Variants in ZFAT observed in about 807,000 individuals in gnomAD.
The protein encoded by ZFAT is zinc finger and AT-hook domain containing, also known as zinc finger protein ZFAT.
Under a neutral mutation model 117.7 loss-of-function variants are expected in ZFAT, and 64 were observed. The observed-to-expected ratio is 0.54, with a 90% CI of 0.44 to 0.67. The LOEUF (loss-of-function observed/expected upper bound fraction) is 0.67, where lower values mean the gene tolerates loss of function less well. Among genes scored for constraint, ZFAT ranks in the 30% least tolerant of loss-of-function variants. The pLI, the probability that ZFAT is intolerant of heterozygous loss-of-function variation, is 0.00. For missense variants in ZFAT, 1,433 were observed against 1,584.5 expected (o/e 0.90, Z 1.62); for synonymous variants, 679 against 615.0 (o/e 1.10, Z -1.54).
At chr8:134,668,784 T>G (rs754872872) in intron 1 of ZFAT, among the ~76,000 whole-genome samples, 19 of 152,190 alleles carry the variant, frequency 1.2e-4, no homozygotes, top group Non-Finnish European at 2.5e-4. Context: ...AGAAGGAGGC[T>G]TCAGACGATT....
intron 2 of ZFAT, among the ~76,000 whole-genome samples, chr8:134,654,464 G>A (rs145915398): frequency 2.0e-5 from 3 of 152,140 alleles, no homozygotes; most frequent in Admixed American, 6.5e-5. Flanking sequence ...GCAACACCAC[G>A]GAGGGAAAAA....
the ZFAT span, among the ~76,000 whole-genome samples, chr8:134,740,616 C>T: frequency 6.6e-6 from 1 of 152,082 alleles, no homozygotes; most frequent in Admixed American, 6.5e-5. Flanking sequence ...AAGTCTTTTC[C>T]AGGATAGGTC....
chr8:134,668,534 C>G (rs1194081719), intron 1 of ZFAT, among the ~76,000 whole-genome samples: 1 of 152,258 alleles, frequency 6.6e-6, no homozygotes, highest in Admixed American at 6.5e-5. Context: ...AGACCTGCAG[C>G]TGAGGGTCCT....
chr8:134,690,027 C>G lies in ZFAT; in HGVS notation c.19+22818G>C, dbSNP rs372822538. 2.0e-5 allele frequency among the ~76,000 whole-genome samples: 3 copies of G among 152,184 alleles called. No individual in the cohort carries two copies. The South Asian group carries it at 6.2e-4, about 32-fold the overall frequency. ...TCACTTACAATCTATTTTCAAAGAT[C>G]AATGAGAAATTTTAAATTTTGTGTA... On this transcript the variant is annotated intron_variant, in intron 1 of 15. Coordinates refer to ENST00000377838, the MANE Select transcript of ZFAT (RefSeq NM_020863.4).
chr8:134,716,180 C>CATATATAT (rs1219904981), upstream of ZFAT, among the ~76,000 whole-genome samples: 3 of 137,376 alleles, frequency 2.2e-5, no homozygotes, highest in African/African-American at 7.7e-5. Flanking sequence ...CACACACACA[C>CATATATAT]ACATATATAT....
chr8:134,779,399 C>T, the ZFAT span, among the ~76,000 whole-genome samples: 150 of 151,774 alleles, frequency 9.9e-4, 3 homozygotes, highest in Middle Eastern at 0.014. Context: ...GACAGACACG[C>T]TGAAGATGCA....
chr8:134,640,179 G>A (rs2131121599), intron 2 of ZFAT, among the ~76,000 whole-genome samples: 1 of 152,292 alleles, frequency 6.6e-6, no homozygotes, highest in East Asian at 1.9e-4. Flanking sequence ...ATAATCATGA[G>A]GACAGGGCTT....
intron 10 of ZFAT, among the ~76,000 whole-genome samples, chr8:134,574,917 T>C (rs879517373): frequency 3.9e-5 from 6 of 152,210 alleles, no homozygotes; most frequent in East Asian, 1.9e-4. Flanking sequence ...AACTGACTTT[T>C]ACCCTTTCCA....
upstream of ZFAT, among the ~76,000 whole-genome samples, chr8:134,714,627 G>A (rs527850187): frequency 1.4e-4 from 21 of 152,296 alleles, no homozygotes; most frequent in East Asian, 3.9e-3. Flanking sequence ...TATGCTCACA[G>A]ATATAGCCTC....
chr8:134,704,633 C>T (rs558146503), intron 1 of ZFAT, among the ~76,000 whole-genome samples: 1 of 152,240 alleles, frequency 6.6e-6, no homozygotes. Context: ...CTGTAGTAAT[C>T]AAGGCAGTGT....
the ZFAT span, among the ~76,000 whole-genome samples, chr8:134,812,226 C>T: frequency 1.3e-5 from 2 of 152,106 alleles, no homozygotes; most frequent in Non-Finnish European, 2.9e-5. Flanking sequence ...ATGTAATGAT[C>T]ATCAAATGCT....
intron 1 of ZFAT, among the ~76,000 whole-genome samples, chr8:134,694,235 G>T (rs1833722665): frequency 6.6e-6 from 1 of 152,152 alleles, no homozygotes; most frequent in Non-Finnish European, 1.5e-5. Flanking sequence ...GGTGTCGCTG[G>T]GACAATCAGT....
At chr8:134,530,244 AC>A (rs1163164962) in intron 12 of ZFAT, among the ~76,000 whole-genome samples, 3 of 152,230 alleles carry the variant, frequency 2.0e-5, no homozygotes, top group African/African-American at 7.2e-5. Flanking sequence ...CTATATCAAA[AC>A]ATGAAATTAT....
intron 1 of ZFAT, among the ~76,000 whole-genome samples, chr8:134,692,147 C>A (rs1464387910): frequency 6.6e-6 from 1 of 152,170 alleles, no homozygotes; most frequent in Non-Finnish European, 1.5e-5. Flanking sequence ...TGAACTAAGT[C>A]ATTCTTAACG....
chr8:134,516,675 T>C (rs1455507098), intron 13 of ZFAT, among the ~76,000 whole-genome samples: 2 of 151,964 alleles, frequency 1.3e-5, no homozygotes, highest in Admixed American at 1.3e-4. Context: ...TCTCTATTTT[T>C]AAAAAATTTC....
At chr8:134,607,964 A>G (rs1475410066) in intron 5 of ZFAT, among the ~76,000 whole-genome samples, 1 of 152,242 alleles carries the variant, frequency 6.6e-6, no homozygotes, top group East Asian at 1.9e-4. Flanking sequence ...TTTCAACTCT[A>G]GCAATGGATT....
chr8:134,684,437 A>G lies in ZFAT; in HGVS notation c.20-26700T>C, dbSNP rs914069487. Reference sequence around the variant, plus strand: ...GAGGAAGACTTACTGATCCCCAGACAGCTTGGGCCTCAGACACGTCAACTT... The same window carrying G: ...GAGGAAGACTTACTGATCCCCAGACGGCTTGGGCCTCAGACACGTCAACTT... On this transcript the variant is annotated intron_variant, in intron 1 of 15. Coordinates refer to ENST00000377838, the MANE Select transcript of ZFAT (RefSeq NM_020863.4). 3.9e-5 allele frequency among the ~76,000 whole-genome samples: 6 copies of G among 152,364 alleles called. No individual in the cohort carries two copies. The South Asian group carries it at 6.2e-4, about 16-fold the overall frequency.
intron 1 of ZFAT, among the ~76,000 whole-genome samples, chr8:134,693,157 A>G (rs1264706384): frequency 1.3e-5 from 2 of 152,180 alleles, no homozygotes; most frequent in Non-Finnish European, 2.9e-5. Flanking sequence ...TAGTTCCCAG[A>G]TCTCCGTTTC....
intron 15 of ZFAT, among the ~76,000 whole-genome samples, chr8:134,482,346 T>A (rs1000984611): frequency 6.6e-6 from 1 of 152,210 alleles, no homozygotes; most frequent in African/African-American, 2.4e-5. Context: ...AAGCAGCAGA[T>A]GAGGCCTGAA....
Sources: allele counts gnomAD v4.1 joint callset (sites outside exome capture counted in the v4.1 genomes callset), GRCh38; gene constraint gnomAD v4.1.1; transcripts MANE v1.5; gene names NCBI Gene and HGNC (gene_info 2026-07-23, HGNC 2026-07-21).